The following ADGRB3 variants were observed in gnomAD, a reference collection of about 807,000 sequenced individuals.
The protein encoded by ADGRB3 is adhesion G protein-coupled receptor B3.
In ADGRB3, 37 loss-of-function variants were observed where a neutral mutation model predicts 193.4. The ratio of observed to expected loss-of-function variants is 0.19; its 90% confidence interval spans 0.15 to 0.25. The LOEUF (loss-of-function observed/expected upper bound fraction) is 0.25. Among genes scored for constraint, ADGRB3 ranks in the 10% least tolerant of loss-of-function variants. The pLI, the probability that ADGRB3 is intolerant of heterozygous loss-of-function variation, is 1.00. For synonymous variants in ADGRB3, 690 were observed against 644.2 expected (o/e 1.07, Z -1.08); for missense variants, 1,637 against 1,852.9 (o/e 0.88, Z 2.14).
intron 17 of ADGRB3, among the ~76,000 whole-genome samples, chr6:69,182,267 G>A (rs1361751811): frequency 6.6e-6 from 1 of 151,922 alleles, no homozygotes; most frequent in African/African-American, 2.4e-5. Flanking sequence ...AGTTAGTAAT[G>A]GAAAGATAAT....
chr6:69,386,438 C>T (rs1770073212), intron 31 of ADGRB3, among the ~76,000 whole-genome samples: 1 of 152,090 alleles, frequency 6.6e-6, no homozygotes, highest in African/African-American at 2.4e-5. Flanking sequence ...AATGAGTCCA[C>T]TGTGGATCTG....
chr6:68,656,667 C>A (rs1026431097), intron 3 of ADGRB3, among the ~76,000 whole-genome samples: 1 of 151,348 alleles, frequency 6.6e-6, no homozygotes, highest in Non-Finnish European at 1.5e-5. Flanking sequence ...TAAATTAAGA[C>A]TCTGATATTC....
At chr6:69,259,395 C>A (rs1237928840) in intron 20 of ADGRB3, among the ~76,000 whole-genome samples, 2 of 152,102 alleles carry the variant, frequency 1.3e-5, no homozygotes, top group Admixed American at 6.6e-5. Context: ...TTAGTTTTAA[C>A]CTTAAAACTT....
At chr6:69,061,824 G>A (rs1034471742) in intron 15 of ADGRB3, among the ~76,000 whole-genome samples, 1 of 46,502 alleles carries the variant, frequency 2.2e-5, no homozygotes, top group African/African-American at 4.3e-5. Flanking sequence ...GAAGGGTAGG[G>A]GATGAAATAC....
In ADGRB3 at chr6:69,049,285, T is replaced by G; in HGVS notation, c.2272T>G (p.Ser758Ala). 6.2e-7 allele frequency: 1 copy of G among 1,604,682 alleles called. No individual in the cohort carries two copies. Among genetic ancestry groups the G allele is most frequent in the Non-Finnish European group, 8.5e-7 (1 of 1,174,596 alleles). ...ATTCTTTCTAGAATTAGATGAATCATCTGTATTTGTTCTTGGCGCAGTCCT... is the reference window on the plus strand; with the variant it reads ...ATTCTTTCTAGAATTAGATGAATCAGCTGTATTTGTTCTTGGCGCAGTCCT... ...PVSSKELDES[S>A]VFVLGAVLYK... The change falls in exon 15 of 32, where the codon TCT (serine) becomes GCT (alanine). Residue 758 changes from serine to alanine, a missense_variant. Physicochemically the swap from Ser to Ala is moderately conservative, Grantham distance 99. Coordinates refer to ENST00000370598, the MANE Select transcript of ADGRB3 (RefSeq NM_001704.3).
chr6:69,025,810 T>G (rs2150290616), intron 13 of ADGRB3, among the ~76,000 whole-genome samples: 1 of 152,338 alleles, frequency 6.6e-6, no homozygotes, highest in African/African-American at 2.4e-5. Flanking sequence ...TGCTTCTCAT[T>G]TCATAGAAAT....
chr6:68,978,389 A>G (rs1448536167), intron 10 of ADGRB3, among the ~76,000 whole-genome samples: 2 of 151,428 alleles, frequency 1.3e-5, no homozygotes, highest in Non-Finnish European at 3.0e-5. Flanking sequence ...TAGATGTTGC[A>G]TATATTTTGG....
chr6:69,201,742 A>G (rs549273519), intron 17 of ADGRB3, among the ~76,000 whole-genome samples: 37 of 152,152 alleles, frequency 2.4e-4, no homozygotes, highest in African/African-American at 8.4e-4. Context: ...CTCTCCTTCC[A>G]TGAAATTTCT....
chr6:68,973,500 G>A (rs1013560458), intron 8 of ADGRB3, among the ~76,000 whole-genome samples: 1 of 152,206 alleles, frequency 6.6e-6, no homozygotes, highest in Non-Finnish European at 1.5e-5. Flanking sequence ...TCAGTAGAAT[G>A]ATGATTATCA....
chr6:69,360,933 T>C lies in ADGRB3; in HGVS notation c.3660T>C (p.Ser1220=). The C allele has an allele frequency of 6.2e-7, 1 of 1,612,554 alleles. No homozygotes were observed. The highest frequency in any genetic ancestry group is 8.5e-7 in the Non-Finnish European group (1 of 1,179,030). The change falls in exon 29 of 32, where the codon TCT becomes TCC. Residue 1220 remains serine, a synonymous_variant. Coordinates refer to ENST00000370598, the MANE Select transcript of ADGRB3 (RefSeq NM_001704.3). ...ATITGTLSRI[S]LNDDEEEKGT... ...TAACAGGAACACTTTCTAGGATTTC[T>C]CTAAATGATGATGAAGAAGAAAAGG...
chr6:69,081,447 G>A (rs1352552242), intron 17 of ADGRB3, among the ~76,000 whole-genome samples: 1 of 151,780 alleles, frequency 6.6e-6, no homozygotes, highest in Non-Finnish European at 1.5e-5. Context: ...AAGCAACCCT[G>A]CTCTTCTAGA....
intron 17 of ADGRB3, among the ~76,000 whole-genome samples, chr6:69,121,340 C>T (rs531757477): frequency 7.2e-5 from 11 of 152,308 alleles, no homozygotes; most frequent in South Asian, 2.1e-4. Context: ...TATAGATTAA[C>T]GGCATCCCAA....
chr6:69,129,604 G>A (rs936449087), intron 17 of ADGRB3, among the ~76,000 whole-genome samples: 1 of 152,012 alleles, frequency 6.6e-6, no homozygotes, highest in African/African-American at 2.4e-5. Flanking sequence ...AAATTAAAAC[G>A]TTTCATTCTT....
At chr6:68,960,443 A>G (rs1768200554) in intron 8 of ADGRB3, among the ~76,000 whole-genome samples, 1 of 152,150 alleles carries the variant, frequency 6.6e-6, no homozygotes, top group African/African-American at 2.4e-5. Flanking sequence ...TTTGTCTTGA[A>G]CACTGTAATA....
chr6:68,772,892 AAAATATATATATATATATATATAT>A (rs1219643478), intron 3 of ADGRB3, among the ~76,000 whole-genome samples: 20 of 30,560 alleles, frequency 6.5e-4, no homozygotes, highest in South Asian at 4.3e-3. Context: ...CAAAAAAAAA[AAAATATATATATATATATATATAT>A]ATATATATAT....
At chr6:68,946,189 C>G (rs1378671714) in intron 6 of ADGRB3, among the ~76,000 whole-genome samples, 1 of 152,144 alleles carries the variant, frequency 6.6e-6, no homozygotes, top group East Asian at 1.9e-4. Flanking sequence ...ACTCTAATAA[C>G]TAGGATTTTT....
chr6:68,732,693 C>A (rs1281025355), intron 3 of ADGRB3, among the ~76,000 whole-genome samples: 1 of 151,922 alleles, frequency 6.6e-6, no homozygotes. Flanking sequence ...TGAGACTCCA[C>A]CCTCACTGTG....
chr6:69,147,743 T>C (rs1164363222), intron 17 of ADGRB3, among the ~76,000 whole-genome samples: 1 of 152,204 alleles, frequency 6.6e-6, no homozygotes, highest in Non-Finnish European at 1.5e-5. Context: ...AATTGGGTAT[T>C]GAAGTCTTCA....
intron 3 of ADGRB3, among the ~76,000 whole-genome samples, chr6:68,822,507 TA>T (rs1049299446): frequency 2.0e-5 from 3 of 151,920 alleles, no homozygotes; most frequent in African/African-American, 4.8e-5. Context: ...AAGAGTAGCT[TA>T]AAAGCTGTCT....
Sources: gnomAD v4.1 joint callset for allele counts (sites outside exome capture counted in the v4.1 genomes callset) on GRCh38, gnomAD v4.1.1 for gene constraint, MANE v1.5 for transcripts, NCBI Gene and HGNC (gene_info 2026-07-23, HGNC 2026-07-21) for gene names.